Variants in CYB5B observed in about 807,000 individuals in gnomAD.
CYB5B encodes the protein cytochrome b5 type B.
Under a neutral mutation model 21.3 loss-of-function variants are expected in CYB5B, and 14 were observed. The ratio of observed to expected loss-of-function variants is 0.66; its 90% CI spans 0.43 to 1.03. CYB5B has a LOEUF of 1.03. Ranked by LOEUF, CYB5B falls within the 50% of genes least tolerant of loss-of-function variation. The pLI is 0.00. For synonymous variants in CYB5B, 69 were observed against 68.4 expected, an observed-to-expected ratio of 1.01 and a Z score of -0.04; for missense variants, 166 against 185.1, an observed-to-expected ratio of 0.90 and a Z score of 0.60.
At chr16:69,425,225 T>A (rs989256303) in intron 1 of CYB5B, among the ~76,000 whole-genome samples, 1 of 152,166 alleles carries the variant, frequency 6.6e-6, no homozygotes, top group African/African-American at 2.4e-5. Context: ...TGAACCTAGG[T>A]CTGAAGTGCA....
Position 69,464,712 on chromosome 16 carries a change from C to T in CYB5B, c.*2192C>T, listed in dbSNP as rs2015070281. On this transcript the variant is annotated 3_prime_UTR_variant, in exon 5 of 5. Transcript: ENST00000307892. ...GTTTTTGTTATTTTTAAGGTAAATG[C>T]CAATGCAAAAGGTATGTTTTTCTAC... The T allele has an allele frequency of 6.6e-6, 1 of 152,642 alleles. No individual in the cohort carries two copies. 9.5% of individuals were successfully genotyped at this position (152,642 alleles called of 1,614,324 possible). A position where few individuals can be genotyped will look rare whatever the true frequency, so the allele number is the denominator to read the frequency against.
intron 2 of CYB5B, 66 bp downstream of exon 2, chr16:69,447,344 G>T: frequency 6.4e-7 from 1 of 1,566,518 alleles, no homozygotes; most frequent in Non-Finnish European, 8.6e-7. Flanking sequence ...AGAACAGGAT[G>T]AAGAAATGAA....
At chr16:69,448,042 T>G in intron 2 of CYB5B, 73 bp from the exon 3 acceptor site, 1 of 1,506,448 alleles carries the variant, frequency 6.6e-7, no homozygotes, top group Admixed American at 1.9e-5. Flanking sequence ...TGTTCCAAAG[T>G]TAGAAACAAG....
chr16:69,425,353 CTG>C (rs545363262), intron 1 of CYB5B, among the ~76,000 whole-genome samples: 22,356 of 99,748 alleles, frequency 0.22, 2,114 homozygotes, highest in African/African-American at 0.35. Flanking sequence ...TATGCCTCCA[CTG>C]TTTTTTTTTC....
intron 3 of CYB5B, among the ~76,000 whole-genome samples, chr16:69,456,259 C>T (rs906301374): frequency 6.6e-6 from 1 of 152,156 alleles, no homozygotes; most frequent in South Asian, 2.1e-4. Context: ...CCTGCCTCAG[C>T]CTTCCCAGTG....
intron 1 of CYB5B, among the ~76,000 whole-genome samples, chr16:69,429,646 A>G (rs568429790): frequency 2.0e-5 from 3 of 152,322 alleles, no homozygotes; most frequent in Admixed American, 1.3e-4. Flanking sequence ...TTGTACCAGA[A>G]CAAGTGTCAG....
At chr16:69,431,701 C>T (rs1294648760) in intron 1 of CYB5B, among the ~76,000 whole-genome samples, 1 of 152,002 alleles carries the variant, frequency 6.6e-6, no homozygotes, top group Non-Finnish European at 1.5e-5. Flanking sequence ...GAGGCCAGGA[C>T]ATCGAGGCTG....
At chr16:69,454,890 T>A (rs950883793) in intron 3 of CYB5B, among the ~76,000 whole-genome samples, 6 of 152,218 alleles carry the variant, frequency 3.9e-5, no homozygotes, top group African/African-American at 1.4e-4. Context: ...TTGGGGTTTT[T>A]GTTTTGTTTT....
intron 1 of CYB5B, among the ~76,000 whole-genome samples, chr16:69,427,110 C>T (rs966134134): frequency 6.6e-6 from 1 of 152,058 alleles, no homozygotes; most frequent in Non-Finnish European, 1.5e-5. Context: ...CTTGGTGGCA[C>T]CTGTGATCTC....
At chr16:69,426,417 A>G (rs1422480148) in intron 1 of CYB5B, among the ~76,000 whole-genome samples, 1 of 125,332 alleles carries the variant, frequency 8.0e-6, no homozygotes, top group African/African-American at 3.1e-5. Flanking sequence ...AAAAAAAAGT[A>G]CTTTCCCGGC....
At chr16:69,446,477 C>T (rs2014879674) in intron 1 of CYB5B, among the ~76,000 whole-genome samples, 1 of 152,190 alleles carries the variant, frequency 6.6e-6, no homozygotes, top group Non-Finnish European at 1.5e-5. Context: ...GCACCCACCA[C>T]CACCATGCCT....
chr16:69,436,749 A>G (rs147421348), intron 1 of CYB5B, among the ~76,000 whole-genome samples: 1 of 152,284 alleles, frequency 6.6e-6, no homozygotes, highest in Non-Finnish European at 1.5e-5. Flanking sequence ...GATCTCTAGT[A>G]TATCTCCATT....
At chr16:69,460,757 T>G (rs910082423) in intron 4 of CYB5B, among the ~76,000 whole-genome samples, 1 of 152,082 alleles carries the variant, frequency 6.6e-6, no homozygotes, top group Admixed American at 6.6e-5. Context: ...TATTCAAACA[T>G]CAGAGACAAC....
At chr16:69,430,005 A>G (rs1298753486) in intron 1 of CYB5B, among the ~76,000 whole-genome samples, 1 of 152,150 alleles carries the variant, frequency 6.6e-6, no homozygotes. Context: ...TCCCTGGCAG[A>G]TTAATTTTGC....
At chr16:69,454,667 A>G (rs950989892) in intron 3 of CYB5B, among the ~76,000 whole-genome samples, 4 of 152,242 alleles carry the variant, frequency 2.6e-5, no homozygotes, top group Non-Finnish European at 1.5e-5. Flanking sequence ...AAAGCTACAC[A>G]GTCTCTACCA....
rs2015057428 is a variant in CYB5B, at chr16:69,463,593, A to G, written c.*1073A>G. On this transcript the variant is annotated 3_prime_UTR_variant, in exon 5 of 5. Transcript: ENST00000307892. ...CCTCCTTTTTTGTTTGTTGATTAGC[A>G]AATTTTTGATTCTCCATTTTCCAAA... 1 of 152,188 alleles carries G rather than the reference A, an allele frequency of 6.6e-6. No homozygotes were observed. The highest frequency in any genetic ancestry group is 1.5e-5 in the Non-Finnish European group (1 of 68,036). 9.4% of individuals were successfully genotyped at this position (152,188 alleles called of 1,614,324 possible).
intron 1 of CYB5B, among the ~76,000 whole-genome samples, chr16:69,441,317 G>A (rs766907879): frequency 1.3e-5 from 2 of 152,002 alleles, no homozygotes; most frequent in Non-Finnish European, 2.9e-5. Flanking sequence ...ACCACATCCA[G>A]CTAATTTTTT....
At chr16:69,432,791 A>G (rs189159726) in intron 1 of CYB5B, among the ~76,000 whole-genome samples, 5 of 152,124 alleles carry the variant, frequency 3.3e-5, no homozygotes, top group Non-Finnish European at 7.4e-5. Flanking sequence ...CTGTGACCCT[A>G]TAGCCTGTAC....
chr16:69,432,452 G>A (rs567845414), intron 1 of CYB5B, among the ~76,000 whole-genome samples: 3 of 152,184 alleles, frequency 2.0e-5, no homozygotes, highest in Non-Finnish European at 4.4e-5. Context: ...ACACATTTAA[G>A]TTAGGGTAGG....
Sources: gnomAD v4.1 joint callset for allele counts (sites outside exome capture counted in the v4.1 genomes callset) on GRCh38, gnomAD v4.1.1 for gene constraint, MANE v1.5 for transcripts, NCBI Gene and HGNC (gene_info 2026-07-23, HGNC 2026-07-21) for gene names.